BTBD9: variants seen among roughly 807,000 people sequenced by gnomAD.
BTBD9 encodes BTB/POZ domain-containing protein 9.
Under a neutral mutation model 64.3 loss-of-function variants are expected in BTBD9, and 49 were observed. The observed-to-expected ratio is 0.76, with a 90% CI of 0.61 to 0.97. BTBD9 has a LOEUF of 0.97. Among genes scored for constraint, BTBD9 ranks in the 50% least tolerant of loss-of-function variants. BTBD9 has a pLI of 0.00. For synonymous variants in BTBD9, 260 were observed against 274.7 expected (o/e 0.95, Z 0.53); for missense variants, 598 against 762.1 (o/e 0.78, Z 2.53).
At chr6:38,633,818 G>T (rs1009683039) in intron 1 of BTBD9, among the ~76,000 whole-genome samples, 1 of 151,176 alleles carries the variant, frequency 6.6e-6, no homozygotes, top group Non-Finnish European at 1.5e-5. Flanking sequence ...ATCTCTATAC[G>T]CGTCATGGCC....
Position 38,170,683 on chromosome 6 carries a change from G to C in BTBD9, c.*4302C>G, listed in dbSNP as rs907417589. ...AACTCTGAGCAAACACCAGGCACTA[G>C]GACAACTTCTAATTTAATATTATAA... On this transcript the variant is annotated 3_prime_UTR_variant, in exon 11 of 11. Coordinates refer to ENST00000481247, the MANE Select transcript of BTBD9 (RefSeq NM_001099272.2). The C allele has an allele frequency of 1.3e-5, 2 of 152,314 alleles. No individual in the cohort carries two copies. Among genetic ancestry groups the C allele is most frequent in the African/African-American group, 4.8e-5 (2 of 41,560 alleles). 9.4% of individuals were successfully genotyped at this position (152,314 alleles called of 1,614,324 possible). A position where few individuals can be genotyped will look rare whatever the true frequency, so the allele number is the denominator to read the frequency against.
intron 6 of BTBD9, chr6:38,482,622 G>A (rs1314882952): frequency 6.6e-6 from 1 of 152,008 alleles, no homozygotes; most frequent in Non-Finnish European, 1.5e-5. Flanking sequence ...CTTCAACTCA[G>A]TTCTTGCCAA....
intron 6 of BTBD9, among the ~76,000 whole-genome samples, chr6:38,410,614 T>C (rs905733011): frequency 1.3e-5 from 2 of 152,234 alleles, no homozygotes; most frequent in Non-Finnish European, 2.9e-5. Context: ...CTTTCATTGA[T>C]AAGAAAACAT....
rs1209265787 is a variant in BTBD9 at position 38,381,871 on chromosome 6, GA to G, written c.1155-36779del. ...ATTTCCAAAGAATCCACGGGTCAAAGAAAAAATAAGTAATGGAAATTAGAAA... is the reference window on the plus strand; with the variant it reads ...ATTTCCAAAGAATCCACGGGTCAAAGAAAAATAAGTAATGGAAATTAGAAA... On this transcript the variant is annotated intron_variant, in intron 6 of 10. Coordinates refer to ENST00000481247, the MANE Select transcript of BTBD9 (RefSeq NM_001099272.2). Among the ~76,000 whole-genome samples, 9 of 151,476 alleles carry G rather than the reference GA, an allele frequency of 5.9e-5. 1 individual carries two copies. The highest frequency in any genetic ancestry group is 2.2e-4 in the African/African-American group (9 of 41,230).
chr6:38,469,256 T>C (rs1030523911), intron 6 of BTBD9, among the ~76,000 whole-genome samples: 2 of 151,790 alleles, frequency 1.3e-5, no homozygotes, highest in African/African-American at 4.8e-5. Context: ...CTTAACCATG[T>C]GTCCTGAGGA....
At chr6:38,496,844 T>C (rs1315098238) in intron 6 of BTBD9, among the ~76,000 whole-genome samples, 1 of 152,180 alleles carries the variant, frequency 6.6e-6, no homozygotes, top group Non-Finnish European at 1.5e-5. Flanking sequence ...GACTTACTAG[T>C]GGCAACAGCC....
chr6:38,385,190 G>A (rs1054291832), intron 6 of BTBD9, among the ~76,000 whole-genome samples: 4 of 147,244 alleles, frequency 2.7e-5, no homozygotes, highest in African/African-American at 1.0e-4. Context: ...AAAATCTTAC[G>A]TACTTTTTTT....
At chr6:38,637,950 A>G (rs1778583107) in intron 1 of BTBD9, among the ~76,000 whole-genome samples, 1 of 152,142 alleles carries the variant, frequency 6.6e-6, no homozygotes, top group Non-Finnish European at 1.5e-5. Flanking sequence ...AATCCTTAAC[A>G]CTTTGCCTTC....
At chr6:38,395,708 T>G (rs1024986804) in intron 6 of BTBD9, among the ~76,000 whole-genome samples, 44 of 82,812 alleles carry the variant, frequency 5.3e-4, no homozygotes, top group African/African-American at 1.7e-3. Context: ...TGTTTACTGT[T>G]TTTTTTTTTT....
At chr6:38,196,329 C>A (rs766774602) in intron 9 of BTBD9, among the ~76,000 whole-genome samples, 5 of 152,316 alleles carry the variant, frequency 3.3e-5, no homozygotes, top group Admixed American at 6.5e-5. Context: ...AGATTAAATA[C>A]ATTAACAAAT....
chr6:38,320,488 A>C (rs1169210428), intron 7 of BTBD9, among the ~76,000 whole-genome samples: 1 of 152,176 alleles, frequency 6.6e-6, no homozygotes, highest in African/African-American at 2.4e-5. Context: ...GGAGGAAAAC[A>C]GCTGCTCTTC....
chr6:38,575,735 C>T (rs1775992666), intron 6 of BTBD9, among the ~76,000 whole-genome samples: 1 of 151,952 alleles, frequency 6.6e-6, no homozygotes, highest in Non-Finnish European at 1.5e-5. Context: ...ACATGGATAT[C>T]AAGATTCTTT....
chr6:38,224,354 A>G (rs1237011928), intron 9 of BTBD9, among the ~76,000 whole-genome samples: 1 of 152,194 alleles, frequency 6.6e-6, no homozygotes, highest in East Asian at 1.9e-4. Flanking sequence ...GCCTGGCCTG[A>G]GCAAAATTCC....
chr6:38,376,917 T>C (rs1765714382), intron 6 of BTBD9, among the ~76,000 whole-genome samples: 1 of 152,220 alleles, frequency 6.6e-6, no homozygotes, highest in Non-Finnish European at 1.5e-5. Flanking sequence ...TTCCTCTAAG[T>C]GCATTATCCT....
At chr6:38,507,512 T>C (rs1026169001) in intron 6 of BTBD9, among the ~76,000 whole-genome samples, 1 of 152,228 alleles carries the variant, frequency 6.6e-6, no homozygotes, top group African/African-American at 2.4e-5. Context: ...ACCATCCAAC[T>C]GCTCTCCCTT....
chr6:38,487,684 G>GGAAAAGAAAAGAAAA lies in BTBD9; in HGVS notation c.1154+89901_1154+89915dup, dbSNP rs369133808. ...GGAAAAGAGAAGAAAAGAGAAGAAA[G>GGAAAAGAAAAGAAAA]GAAAAGAAAAGAAAAGAAAAAAGAA... On this transcript the variant is annotated intron_variant, in intron 6 of 10. Transcript: ENST00000481247. Among the ~76,000 whole-genome samples, 7 of 150,502 alleles carry GGAAAAGAAAAGAAAA rather than the reference G, an allele frequency of 4.7e-5. No homozygotes were observed. In the East Asian group the frequency reaches 1.2e-3, roughly 25 times the overall value.
chr6:38,263,231 T>G (rs1205401034), intron 8 of BTBD9, among the ~76,000 whole-genome samples: 1 of 152,214 alleles, frequency 6.6e-6, no homozygotes, highest in Non-Finnish European at 1.5e-5. Context: ...CAAAAAATAT[T>G]TACTGAATAA....
At chr6:38,260,659 A>G (rs1321980855) in intron 8 of BTBD9, among the ~76,000 whole-genome samples, 2 of 152,212 alleles carry the variant, frequency 1.3e-5, no homozygotes, top group South Asian at 2.1e-4. Context: ...CTTATTCTAT[A>G]AAAGTCCTCC....
chr6:38,402,274 G>A (rs1171628565), intron 6 of BTBD9, among the ~76,000 whole-genome samples: 7 of 151,900 alleles, frequency 4.6e-5, no homozygotes, highest in Non-Finnish European at 4.4e-5. Flanking sequence ...TTCTCAAAGC[G>A]ATCCATAGAT....
Sources: gnomAD v4.1 joint callset for allele counts (sites outside exome capture counted in the v4.1 genomes callset) on GRCh38, gnomAD v4.1.1 for gene constraint, MANE v1.5 for transcripts, NCBI Gene and HGNC (gene_info 2026-07-23, HGNC 2026-07-21) for gene names.